GPHN: variants seen among roughly 807,000 people sequenced by gnomAD.
GPHN encodes gephyrin.
A neutral mutation model predicts 95.5 loss-of-function variants in GPHN; 17 were observed. The observed-to-expected ratio is 0.18, with a 90% CI of 0.12 to 0.27. The LOEUF is 0.27. Among genes scored for constraint, GPHN ranks in the 10% least tolerant of loss-of-function variants. The probability of loss-of-function intolerance (pLI) is 1.00; values close to 1 mark genes in which losing one functional copy is unlikely to be tolerated. For synonymous variants in GPHN, 320 were observed against 322.5 expected (o/e 0.99, Z 0.08); for missense variants, 660 against 978.1 (o/e 0.67, Z 4.34).
At chr14:66,634,199 C>T (rs1313347713) in intron 1 of GPHN, among the ~76,000 whole-genome samples, 1 of 151,908 alleles carries the variant, frequency 6.6e-6, no homozygotes, top group Non-Finnish European at 1.5e-5. Flanking sequence ...TGTTCCCTTA[C>T]ATTGATATTT....
At chr14:67,708,531 A>T in the GPHN span, among the ~76,000 whole-genome samples, 2 of 152,298 alleles carry the variant, frequency 1.3e-5, no homozygotes, top group South Asian at 4.1e-4. Context: ...TAAAGAAACA[A>T]TTGACAAGGA....
At chr14:67,646,911 C>T in the GPHN span, 1 of 1,543,694 alleles carries the variant, frequency 6.5e-7, no homozygotes, top group African/African-American at 1.4e-5. Flanking sequence ...CCCTTTATAT[C>T]TCATCACAGT....
chr14:67,047,846 A>G (rs1023048675), intron 10 of GPHN, among the ~76,000 whole-genome samples: 6 of 152,138 alleles, frequency 3.9e-5, no homozygotes, highest in Non-Finnish European at 7.4e-5. Flanking sequence ...CTGTGGTGCC[A>G]GCTACTCGAT....
chr14:67,029,742 T>G (rs2074098611), intron 10 of GPHN, among the ~76,000 whole-genome samples: 3 of 152,214 alleles, frequency 2.0e-5, no homozygotes, highest in African/African-American at 7.2e-5. Context: ...AATACACTAG[T>G]CTTACGTAAA....
intron 18 of GPHN, among the ~76,000 whole-genome samples, chr14:67,155,038 C>T (rs2081503133): frequency 6.6e-6 from 1 of 152,020 alleles, no homozygotes; most frequent in Non-Finnish European, 1.5e-5. Flanking sequence ...ATTAATACTA[C>T]AGGAGGCAAA....
In GPHN at chr14:67,087,037, CA is replaced by C. The variant is rs60067524; in HGVS notation, c.1145-1927del. ...TGGGCGACAGAGCAAGACTCTGTCT[CA>C]AAAAAAAAAAAAAAAAAACTCTCTT... On this transcript the variant is annotated intron_variant, in intron 11 of 22. Transcript: ENST00000478722. Among the ~76,000 whole-genome samples the C allele has an allele frequency of 2.4e-3, 187 of 77,238 alleles. 1 individual carries two copies. Among genetic ancestry groups the C allele is most frequent in the East Asian group, 0.015 (50 of 3,258 alleles). 50.7% of individuals were successfully genotyped at this position (77,238 alleles called of 152,430 possible). A position where few individuals can be genotyped will look rare whatever the true frequency, so the allele number is the denominator to read the frequency against.
the GPHN span, chr14:67,199,059 G>A: frequency 7.5e-6 from 6 of 804,516 alleles, no homozygotes; most frequent in Non-Finnish European, 1.3e-5. Context: ...GAGCTCTTTT[G>A]CCATGGCTAC....
intron 8 of GPHN, among the ~76,000 whole-genome samples, chr14:66,929,787 C>T (rs555993195): frequency 6.6e-6 from 1 of 152,110 alleles, no homozygotes; most frequent in South Asian, 2.1e-4. Context: ...TCTTGGCTCA[C>T]TGCAGTCTCT....
chr14:67,675,066 C>T, the GPHN span, among the ~76,000 whole-genome samples: 1 of 152,214 alleles, frequency 6.6e-6, no homozygotes, highest in Non-Finnish European at 1.5e-5. Context: ...TGTCATCGCG[C>T]TTTGCTTTGC....
intron 1 of GPHN, among the ~76,000 whole-genome samples, chr14:66,597,417 G>A (rs950138300): frequency 2.6e-5 from 4 of 152,186 alleles, no homozygotes; most frequent in Non-Finnish European, 5.9e-5. Flanking sequence ...AACAAAGTCC[G>A]GAGGGGGCTG....
At chr14:67,722,359 C>T in the GPHN span, 1 of 533,242 alleles carries the variant, frequency 1.9e-6, no homozygotes, top group Non-Finnish European at 3.4e-6. Context: ...TTTAGTTTCC[C>T]CACATTCTCT....
At chr14:66,515,386 A>G (rs924174176) in intron 1 of GPHN, among the ~76,000 whole-genome samples, 1 of 152,142 alleles carries the variant, frequency 6.6e-6, no homozygotes, top group Non-Finnish European at 1.5e-5. Flanking sequence ...GATGGAGTGA[A>G]GTTGATTAGT....
chr14:66,925,908 A>G (rs937735197), intron 8 of GPHN, among the ~76,000 whole-genome samples: 3 of 152,194 alleles, frequency 2.0e-5, no homozygotes, highest in Non-Finnish European at 4.4e-5. Flanking sequence ...CCTCACCAGC[A>G]TTCATTATTG....
At chr14:67,722,539 A>T in the GPHN span, 6 of 919,554 alleles carry the variant, frequency 6.5e-6, no homozygotes, top group Non-Finnish European at 1.1e-5. Context: ...GCAGAGAAGC[A>T]GCAGAAGCAG....
chr14:67,714,659 T>C, the GPHN span: 1 of 158,872 alleles, frequency 6.3e-6, no homozygotes, highest in Admixed American at 6.1e-5. Flanking sequence ...AAAGGTTATG[T>C]TGCAGACATC....
At chr14:66,898,046 T>C (rs12323823) in intron 5 of GPHN, among the ~76,000 whole-genome samples, 11,146 of 152,092 alleles carry the variant, frequency 0.073, 1,009 homozygotes, top group African/African-American at 0.21. Context: ...ATTGTCTGAC[T>C]GTGTTTTTTA....
intron 9 of GPHN, among the ~76,000 whole-genome samples, chr14:66,993,501 C>T (rs749360961): frequency 8.5e-5 from 13 of 152,068 alleles, no homozygotes; most frequent in Non-Finnish European, 1.9e-4. Context: ...CCCTGAAGAC[C>T]ATGATGAACT....
intron 3 of GPHN, among the ~76,000 whole-genome samples, chr14:66,786,747 C>A: frequency 6.6e-6 from 1 of 151,986 alleles, no homozygotes; most frequent in South Asian, 2.1e-4. Flanking sequence ...ATCTAATCTA[C>A]CATGTCAACG....
the GPHN span, chr14:67,387,470 A>G: frequency 3.8e-6 from 6 of 1,596,806 alleles, no homozygotes; most frequent in Admixed American, 5.4e-5. Context: ...GGCAGAAAAA[A>G]GGGGGAAAAA....
Sources: allele counts gnomAD v4.1 joint callset (sites outside exome capture counted in the v4.1 genomes callset), GRCh38; gene constraint gnomAD v4.1.1; transcripts MANE v1.5; gene names NCBI Gene and HGNC (gene_info 2026-07-23, HGNC 2026-07-21).